UBTF: variants seen among roughly 807,000 people sequenced by gnomAD.
UBTF encodes the protein upstream binding transcription factor.
UBTF carries 8 observed loss-of-function variants against 112.3 expected under a neutral mutation model. That is an observed-to-expected ratio of 0.07 (90% confidence interval 0.04 to 0.13). The LOEUF (loss-of-function observed/expected upper bound fraction) is 0.13, where lower values mean the gene tolerates loss of function less well. UBTF is among the 10% of genes least tolerant of loss of function. The pLI, the probability that UBTF is intolerant of heterozygous loss-of-function variation, is 1.00. For synonymous variants in UBTF, 417 were observed against 373.1 expected (o/e 1.12, Z -1.36); for missense variants, 457 against 982.1 (o/e 0.47, Z 7.15).
At position 44,213,295 on chromosome 17, in the gene UBTF, G is replaced by A. The variant is rs2046670376; in HGVS notation, c.475-13C>T. 7 of 1,612,568 alleles carry A rather than the reference G, an allele frequency of 4.3e-6. No individual in the cohort carries two copies. Among genetic ancestry groups the A allele is most frequent in the Non-Finnish European group, 5.9e-6 (7 of 1,179,292 alleles). Reference sequence around the variant, plus strand: ...GAATATATTTCATCTGGGGGGAGGAGGGGATGGGGTCACTCAGGACCCAAG... The same window carrying A: ...GAATATATTTCATCTGGGGGGAGGAAGGGATGGGGTCACTCAGGACCCAAG... On this transcript the variant is annotated splice_polypyrimidine_tract_variant and intron_variant, in intron 5 of 20. Coordinates refer to ENST00000436088, the MANE Select transcript of UBTF (RefSeq NM_014233.4).
chr17:44,208,159 G>A (rs1459080361), intron 17 of UBTF, among the ~76,000 whole-genome samples: 1 of 144,358 alleles, frequency 6.9e-6, no homozygotes, highest in Non-Finnish European at 1.5e-5. Context: ...CTGGAGTGCA[G>A]TGGCACAATC....
chr17:44,213,446 G>C, intron 5 of UBTF, 164 bp from the exon 6 acceptor site: 3 of 677,574 alleles, frequency 4.4e-6, no homozygotes, highest in Non-Finnish European at 4.8e-6. Flanking sequence ...TCACCACAGA[G>C]CAGACCTGCT....
Position 44,210,447 on chromosome 17 carries a change from C to A in UBTF, c.1386G>T (p.Ala462=). Reference sequence around the variant, plus strand: ...GCTTCCTCTCCGACTGAGCCTTGAGCGCCGCCTCTCGGGCCTTGTACTTGG... The same window carrying A: ...GCTTCCTCTCCGACTGAGCCTTGAGAGCCGCCTCTCGGGCCTTGTACTTGG... ...KKAKYKAREA[A]LKAQSERKPG... The change falls in exon 14 of 21, where the codon GCG becomes GCT. Residue 462 remains alanine (A), a synonymous_variant. Transcript: ENST00000436088. 1 of 1,612,330 alleles carries A rather than the reference C, an allele frequency of 6.2e-7. No individual in the cohort carries two copies. The highest frequency in any genetic ancestry group is 1.3e-5 in the African/African-American group (1 of 75,004).
chr17:44,212,734 T>C, intron 7 of UBTF, 85 bp downstream of exon 7: 4 of 1,580,380 alleles, frequency 2.5e-6, no homozygotes, highest in Non-Finnish European at 2.6e-6. Context: ...CCTGCTCCCC[T>C]GCACCGTGCC....
intron 3 of UBTF, 191 bp downstream of exon 3, chr17:44,216,338 G>A (rs1005980589): frequency 1.0e-5 from 7 of 676,008 alleles, no homozygotes; most frequent in African/African-American, 1.8e-5. Flanking sequence ...CAGATAGAAA[G>A]TGGCATAACT....
upstream of UBTF, among the ~76,000 whole-genome samples, chr17:44,220,158 G>A (rs1246628857): frequency 2.6e-5 from 4 of 151,558 alleles, no homozygotes; most frequent in African/African-American, 9.7e-5. Flanking sequence ...AGGCGGGCGG[G>A]CGGGCGCCGA....
At chr17:44,208,353 C>T (rs1002145867) in intron 17 of UBTF, among the ~76,000 whole-genome samples, 9 of 152,172 alleles carry the variant, frequency 5.9e-5, no homozygotes, top group Admixed American at 1.3e-4. Context: ...ATCCTTCATA[C>T]CTTGGGCTCC....
At position 44,211,170 on chromosome 17, in the gene UBTF, G is replaced by A; in HGVS notation, c.1090-18C>T. The A allele has an allele frequency of 1.2e-6, 2 of 1,612,868 alleles. No homozygotes were observed. The highest frequency in any genetic ancestry group is 1.7e-6 in the Non-Finnish European group (2 of 1,179,768). On this transcript the variant is annotated intron_variant, in intron 11 of 20. Coordinates refer to ENST00000436088, the MANE Select transcript of UBTF (RefSeq NM_014233.4). The surrounding 1 kb of genome is among the most constrained non-coding windows in gnomAD (Gnocchi z 4.9). ...GGCAGGCTCTGGACAGGAAAGAGGAGCACGGGGCTGCATGCCTGGCACCCA... is the reference window on the plus strand; with the variant it reads ...GGCAGGCTCTGGACAGGAAAGAGGAACACGGGGCTGCATGCCTGGCACCCA...
chr17:44,209,834 T>A, intron 15 of UBTF, 101 bp from the exon 16 acceptor site: 1 of 1,292,008 alleles, frequency 7.7e-7, no homozygotes, highest in Non-Finnish European at 1.1e-6. Context: ...TCTTTTTCTG[T>A]GCCAGGGAGG....
intron 5 of UBTF, 131 bp downstream of exon 5, chr17:44,215,523 C>G: frequency 1.7e-6 from 2 of 1,162,660 alleles, no homozygotes; most frequent in Non-Finnish European, 2.5e-6. Context: ...CTGCCCAGGA[C>G]CTATTCTGCT....
rs1162082613 is a variant in UBTF at position 44,206,387 on chromosome 17, G to C, written c.*855C>G. The C allele has an allele frequency of 1.3e-5, 2 of 148,610 alleles. No individual in the cohort carries two copies. Among genetic ancestry groups the C allele is most frequent in the African/African-American group, 5.1e-5 (2 of 39,056 alleles). 9.2% of individuals were successfully genotyped at this position (148,610 alleles called of 1,614,324 possible). A position where few individuals can be genotyped will look rare whatever the true frequency, so the allele number is the denominator to read the frequency against. ...CCTTTTTCCAGATTCACAACAAACT[G>C]ATGTGGGCTCTAGGACAGACCCCTT... On this transcript the variant is annotated 3_prime_UTR_variant, in exon 21 of 21. Coordinates refer to ENST00000436088, the MANE Select transcript of UBTF (RefSeq NM_014233.4).
In UBTF at chr17:44,207,371, G is replaced by C. The variant is rs962530278; in HGVS notation, c.2170-4C>G. Reference sequence around the variant, plus strand: ...CGTCCTCGTCATCCTCTTCATTCTGGGGGGTGAGAAAGGATGTGGAGTCAC... The same window carrying C: ...CGTCCTCGTCATCCTCTTCATTCTGCGGGGTGAGAAAGGATGTGGAGTCAC... On this transcript the variant is annotated splice_region_variant and splice_polypyrimidine_tract_variant and intron_variant, in intron 20 of 20. Coordinates refer to ENST00000436088, the MANE Select transcript of UBTF (RefSeq NM_014233.4). 6 of 1,612,530 alleles carry C rather than the reference G, an allele frequency of 3.7e-6. No homozygotes were observed. Among genetic ancestry groups the C allele is most frequent in the Admixed American group, 1.7e-5 (1 of 59,806 alleles).
At position 44,219,596 on chromosome 17, in the gene UBTF, G is replaced by T. The variant is rs1185056376; in HGVS notation, c.-219C>A. ...CCGGGCGAGGCGGCGGCGCTGGGGCGGCGGCTGCTGCTGCTGTGGCGGCGG... is the reference window on the plus strand; with the variant it reads ...CCGGGCGAGGCGGCGGCGCTGGGGCTGCGGCTGCTGCTGCTGTGGCGGCGG... On this transcript the variant is annotated 5_prime_UTR_variant, in exon 1 of 21. Coordinates refer to ENST00000436088, the MANE Select transcript of UBTF (RefSeq NM_014233.4). 1.4e-5 allele frequency: 2 copies of T among 141,658 alleles called. No individual in the cohort carries two copies. Among genetic ancestry groups the T allele is most frequent in the Non-Finnish European group, 2.7e-5 (2 of 72,738 alleles). The allele number at this position is 141,658 out of a possible 1,614,324, so 8.8% of individuals were successfully genotyped here.
chr17:44,212,475 G>A, intron 7 of UBTF, 21 bp from the exon 8 acceptor site: 1 of 934,696 alleles, frequency 1.1e-6, no homozygotes, highest in Non-Finnish European at 1.6e-6. Flanking sequence ...AAAGCCGTCA[G>A]ACACGCACAG....
intron 1 of UBTF, chr17:44,219,184 CT>C (rs935265008): frequency 1.3e-5 from 2 of 151,146 alleles, no homozygotes; most frequent in African/African-American, 4.8e-5. Context: ...CCGCCGCCCC[CT>C]CCGGCGGCCG....
Position 44,211,221 on chromosome 17 carries a change from G to T in UBTF, c.1089+69C>A, listed in dbSNP as rs377453997. The T allele has an allele frequency of 1.9e-5, 31 of 1,613,544 alleles. No homozygotes were observed. In the African/African-American group the frequency reaches 3.7e-4, roughly 19 times the overall value. ...GACTGCATGGTGCCCTATCTCCAGGGGCTCACCAGGGCTCTGCCTGCCAAG... is the reference window on the plus strand; with the variant it reads ...GACTGCATGGTGCCCTATCTCCAGGTGCTCACCAGGGCTCTGCCTGCCAAG... On this transcript the variant is annotated intron_variant, in intron 11 of 20. Transcript: ENST00000436088. This position sits in a 1 kb window ranked among gnomAD's most constrained non-coding sequence, Gnocchi z 4.9.
intron 5 of UBTF, 49 bp from the exon 6 acceptor site, chr17:44,213,331 CCT>C (rs1191258740): frequency 1.3e-6 from 2 of 1,588,998 alleles, no homozygotes; most frequent in Non-Finnish European, 1.7e-6. Context: ...GGTATCTCAC[CCT>C]GAGCTATGAA....
chr17:44,220,538 TAA>T (rs78711085), upstream of UBTF, among the ~76,000 whole-genome samples: 2 of 146,172 alleles, frequency 1.4e-5, no homozygotes, highest in African/African-American at 2.5e-5. Context: ...ACCTCTGCAT[TAA>T]AAAAAAAAAA....
rs767818091 is a variant in UBTF, at chr17:44,211,079, G to T, written c.1163C>A (p.Thr388Asn). The T allele has an allele frequency of 1.1e-5, 17 of 1,612,906 alleles. No homozygotes were observed. The highest frequency in any genetic ancestry group is 1.4e-5 in the Non-Finnish European group (17 of 1,179,970). The change falls in exon 12 of 21, where the codon ACC (threonine) becomes AAC (asparagine). Residue 388 changes from threonine to asparagine, a missense_variant. Transcript: ENST00000436088. This position sits in a 1 kb window ranked among gnomAD's most constrained non-coding sequence, Gnocchi z 4.9. ...KMLNINKKQA[T>N]SPASKKPAQE... ...GGCTGGCTTCTTGGAGGCGGGGCTG[G>T]TGGCCTGCTTCTTGTTGATGTTCAG...
Sources: gnomAD v4.1 joint callset for allele counts (sites outside exome capture counted in the v4.1 genomes callset) on GRCh38, gnomAD v4.1.1 for gene constraint, Gnocchi (gnomAD v3.1) non-coding constraint, MANE v1.5 for transcripts, NCBI Gene and HGNC (gene_info 2026-07-23, HGNC 2026-07-21) for gene names.